Variants in SLC35D4 observed in about 807,000 individuals in gnomAD.
SLC35D4 encodes the protein solute carrier family 35 member D4, also known as UDP-N-acetylglucosamine transporter SLC35D4.
chr18:23,361,103 C>CAAAAAAAAAAAAAAAAA, the SLC35D4 span, among the ~76,000 whole-genome samples: 68 of 94,076 alleles, frequency 7.2e-4, no homozygotes, highest in East Asian at 1.7e-3. Context: ...GACTTTGTCT[C>CAAAAAAAAAAAAAAAAA]AAAAAAAAAA....
the SLC35D4 span, among the ~76,000 whole-genome samples, chr18:23,433,971 A>C: frequency 1.3e-5 from 2 of 152,142 alleles, no homozygotes; most frequent in Non-Finnish European, 2.9e-5. Flanking sequence ...ATATGCTCAT[A>C]GTAGGATATG....
At chr18:23,399,242 T>C in the SLC35D4 span, among the ~76,000 whole-genome samples, 1 of 152,192 alleles carries the variant, frequency 6.6e-6, no homozygotes. Flanking sequence ...CCTGCTCCTG[T>C]GGACAGCCTG....
chr18:23,373,800 TTC>T, the SLC35D4 span: 1 of 1,605,970 alleles, frequency 6.2e-7, no homozygotes, highest in Non-Finnish European at 8.5e-7. Context: ...AGCTTCACCT[TTC>T]AACATCAAAG....
chr18:23,262,840 C>G, the SLC35D4 span, among the ~76,000 whole-genome samples: 1 of 152,316 alleles, frequency 6.6e-6, no homozygotes, highest in South Asian at 2.1e-4. Context: ...CCAGAACTGA[C>G]AAGTTAGATG....
At chr18:23,263,337 C>A in the SLC35D4 span, among the ~76,000 whole-genome samples, 1 of 152,340 alleles carries the variant, frequency 6.6e-6, no homozygotes, top group Admixed American at 6.5e-5. Flanking sequence ...CCTTCCCAGC[C>A]ACTGCTGGCC....
the SLC35D4 span, among the ~76,000 whole-genome samples, chr18:23,341,639 G>A: frequency 2.0e-5 from 3 of 152,142 alleles, no homozygotes; most frequent in Admixed American, 1.3e-4. Flanking sequence ...CGATTTTGTC[G>A]TATTTCAAAT....
the SLC35D4 span, among the ~76,000 whole-genome samples, chr18:23,354,345 CAAAAAAAAAAA>C: frequency 5.0e-5 from 5 of 99,142 alleles, no homozygotes; most frequent in African/African-American, 2.1e-4. Flanking sequence ...ACTAAAAATA[CAAAAAAAAAAA>C]AAAAAAAAAA....
chr18:23,417,947 T>G, the SLC35D4 span, among the ~76,000 whole-genome samples: 1 of 152,192 alleles, frequency 6.6e-6, no homozygotes, highest in Non-Finnish European at 1.5e-5. Flanking sequence ...GTTTACCCAT[T>G]TGGAGCCAGG....
chr18:23,250,836 G>C, the SLC35D4 span, among the ~76,000 whole-genome samples: 19 of 152,334 alleles, frequency 1.2e-4, no homozygotes, highest in East Asian at 3.7e-3. Flanking sequence ...CTCTGAACAG[G>C]TCTGGTGGAA....
chr18:23,399,532 G>A, the SLC35D4 span: 26 of 1,588,770 alleles, frequency 1.6e-5, no homozygotes, highest in East Asian at 3.1e-4. Flanking sequence ...GAAAGGGAGA[G>A]AGGAGTTGTT....
At chr18:23,341,867 C>T in the SLC35D4 span, among the ~76,000 whole-genome samples, 1 of 152,130 alleles carries the variant, frequency 6.6e-6, no homozygotes, top group Non-Finnish European at 1.5e-5. Context: ...AATCCTCCCT[C>T]TTCTGAATTA....
At chr18:23,403,654 G>T in the SLC35D4 span, among the ~76,000 whole-genome samples, 1 of 152,176 alleles carries the variant, frequency 6.6e-6, no homozygotes, top group Non-Finnish European at 1.5e-5. Context: ...GTTAGGGGTG[G>T]TGCATTAAGA....
the SLC35D4 span, chr18:23,437,739 C>T: frequency 1.3e-6 from 2 of 1,588,990 alleles, no homozygotes; most frequent in Non-Finnish European, 1.7e-6. Flanking sequence ...CCGACTCAAA[C>T]CTCCCACGTG....
chr18:23,362,037 C>T, the SLC35D4 span, among the ~76,000 whole-genome samples: 1 of 152,188 alleles, frequency 6.6e-6, no homozygotes, highest in Non-Finnish European at 1.5e-5. Flanking sequence ...TACTCCTCTG[C>T]CCAGGACATT....
chr18:23,287,492 T>C, the SLC35D4 span, among the ~76,000 whole-genome samples: 472 of 152,268 alleles, frequency 3.1e-3, 5 homozygotes, highest in South Asian at 0.027. Flanking sequence ...CAGCATAATT[T>C]TCATAAAAAC....
the SLC35D4 span, among the ~76,000 whole-genome samples, chr18:23,398,185 A>C: frequency 6.6e-6 from 1 of 152,200 alleles, no homozygotes; most frequent in African/African-American, 2.4e-5. Flanking sequence ...TGCCTCACCT[A>C]TCATCTGTCA....
the SLC35D4 span, among the ~76,000 whole-genome samples, chr18:23,383,189 T>C: frequency 6.6e-6 from 1 of 151,750 alleles, no homozygotes; most frequent in Non-Finnish European, 1.5e-5. Flanking sequence ...GGGCTGGAGA[T>C]GGAGATTTGG....
the SLC35D4 span, among the ~76,000 whole-genome samples, chr18:23,269,915 G>C: frequency 6.6e-6 from 1 of 152,232 alleles, no homozygotes; most frequent in African/African-American, 2.4e-5. Context: ...AAAAAGTTTG[G>C]AAAATTTGCA....
chr18:23,265,250 G>T, the SLC35D4 span, among the ~76,000 whole-genome samples: 1 of 152,104 alleles, frequency 6.6e-6, no homozygotes, highest in Non-Finnish European at 1.5e-5. Flanking sequence ...CGGGAACTGG[G>T]GTGTGTGTTC....
Sources: gnomAD v4.1 joint callset for allele counts (sites outside exome capture counted in the v4.1 genomes callset) on GRCh38, gnomAD v4.1.1 for gene constraint, MANE v1.5 for transcripts, NCBI Gene and HGNC (gene_info 2026-07-23, HGNC 2026-07-21) for gene names.